Variants in FKTN observed in about 807,000 individuals in gnomAD.
FKTN encodes ribitol-5-phosphate transferase FKTN.
A neutral mutation model predicts 58.6 loss-of-function variants in FKTN; 47 were observed. The ratio of observed to expected loss-of-function variants is 0.80; its 90% CI spans 0.63 to 1.02. The LOEUF is 1.02. Among genes scored for constraint, FKTN ranks in the 50% least tolerant of loss-of-function variants. FKTN has a pLI of 0.00. For missense variants in FKTN, 516 were observed against 537.3 expected (o/e 0.96, Z 0.39); for synonymous variants, 178 against 191.9 (o/e 0.93, Z 0.60).
chr9:105,594,803 G>A (rs1431215160), intron 3 of FKTN, among the ~76,000 whole-genome samples: 5 of 152,196 alleles, frequency 3.3e-5, no homozygotes, highest in African/African-American at 1.2e-4. Flanking sequence ...CTGCACAGTT[G>A]CAGGTGCAGA....
intron 4 of FKTN, 186 bp from the exon 5 acceptor site, chr9:105,600,959 G>A: frequency 1.9e-6 from 1 of 532,342 alleles, no homozygotes; most frequent in Non-Finnish European, 3.4e-6. Flanking sequence ...TTTCTTAGAA[G>A]ACTGCTTATT....
intron 5 of FKTN, chr9:105,603,679 GT>G (rs547502085): frequency 0.04 from 5,704 of 142,742 alleles, 201 homozygotes; most frequent in African/African-American, 0.094. Context: ...AGTTTTTTTT[GT>G]TTTTTTTTTT....
chr9:105,567,469 T>G (rs1839871250), intron 1 of FKTN, among the ~76,000 whole-genome samples: 1 of 152,204 alleles, frequency 6.6e-6, no homozygotes, highest in South Asian at 2.1e-4. Context: ...ACAAAATCAA[T>G]GTGCAAAAAT....
rs1554766855 is a variant in FKTN, at chr9:105,635,090, TGTAGACATGAAG to T, written c.1215_1226del (p.Asp406_Val409del). 5.0e-6 allele frequency: 8 copies of T among 1,614,062 alleles called. No homozygotes were observed. The highest frequency in any genetic ancestry group is 6.8e-6 in the Non-Finnish European group (8 of 1,180,028). ...AGTTTACACTGTGCTGGACTGAGTT[TGTAGACATGAAG>T]GTCCATGTACCCTGTGAAACCCTCG... On this transcript the variant is annotated inframe_deletion, in exon 11 of 11. Transcript: ENST00000357998.
intron 4 of FKTN, among the ~76,000 whole-genome samples, chr9:105,599,072 G>A (rs1827348727): frequency 1.3e-5 from 2 of 151,982 alleles, no homozygotes; most frequent in South Asian, 4.2e-4. Flanking sequence ...TCTCACAAAG[G>A]AATGGTATCA....
rs972895928 is a variant in FKTN, at chr9:105,590,150, TG to T, written c.106-6440del. ...TGTAGCTCCCATAATTCCCATGTGC[TG>T]GGGGGGGACCTGGTGGGAGATAATT... On this transcript the variant is annotated intron_variant, in intron 3 of 10. Coordinates refer to ENST00000357998, the MANE Select transcript of FKTN (RefSeq NM_001079802.2). Among the ~76,000 whole-genome samples the T allele has an allele frequency of 3.9e-5, 6 of 151,962 alleles. No individual in the cohort carries two copies. In the South Asian group the frequency reaches 8.4e-4, roughly 21 times the overall value.
chr9:105,637,490 C>G lies in FKTN; in HGVS notation c.*2226C>G. The G allele has an allele frequency of 1.0e-6, 1 of 985,450 alleles. No individual in the cohort carries two copies. Among genetic ancestry groups the G allele is most frequent in the Non-Finnish European group, 1.2e-6 (1 of 829,934 alleles). The allele number at this position is 985,450 out of a possible 1,614,324, so 61.0% of individuals were successfully genotyped here. A position where few individuals can be genotyped will look rare whatever the true frequency, so the allele number is the denominator to read the frequency against. The stretch of plus-strand genomic sequence containing the variant: ...AAAGCCTTCTCTAGAATCTGAAGGC[C>G]AGGCTTACCTCTGATTCTGATTCAT... On this transcript the variant is annotated 3_prime_UTR_variant, in exon 11 of 11. Transcript: ENST00000357998.
chr9:105,592,132 T>A (rs917914482), intron 3 of FKTN, among the ~76,000 whole-genome samples: 1 of 152,244 alleles, frequency 6.6e-6, no homozygotes, highest in Non-Finnish European at 1.5e-5. Flanking sequence ...CCCCATTTTC[T>A]TGGCGAATGC....
In FKTN at chr9:105,574,939, T is replaced by C. The variant is rs115730708; in HGVS notation, c.-88-6T>C. The C allele has an allele frequency of 5.7e-4, 444 of 776,074 alleles. 5 individuals carry two copies. The African/African-American group carries it at 6.7e-3, about 12-fold the overall frequency. The allele number at this position is 776,074 out of a possible 1,614,324, so 48.1% of individuals were successfully genotyped here. On this transcript the variant is annotated splice_region_variant and splice_polypyrimidine_tract_variant and intron_variant, in intron 2 of 10. Coordinates refer to ENST00000357998, the MANE Select transcript of FKTN (RefSeq NM_001079802.2). ...GTTTCTTTAAAAATATCTTTTTTGT[T>C]CACAGAAAACAAAATTATCTTCCTT...
chr9:105,600,678 A>G (rs1827712757), intron 4 of FKTN, among the ~76,000 whole-genome samples: 1 of 152,202 alleles, frequency 6.6e-6, no homozygotes, highest in Non-Finnish European at 1.5e-5. Flanking sequence ...GAAAAATGGT[A>G]CAAACAACTG....
intron 1 of FKTN, among the ~76,000 whole-genome samples, chr9:105,568,377 T>G (rs570502895): frequency 3.8e-4 from 58 of 152,126 alleles, no homozygotes; most frequent in Middle Eastern, 3.4e-3. Context: ...GGGAGAAAAT[T>G]TTTGCAATCT....
intron 4 of FKTN, among the ~76,000 whole-genome samples, chr9:105,599,100 C>A (rs1408015424): frequency 6.6e-6 from 1 of 152,146 alleles, no homozygotes; most frequent in East Asian, 1.9e-4. Flanking sequence ...ATGAAGAACT[C>A]CCACACGACT....
Position 105,604,337 on chromosome 9 carries a change from C to T in FKTN, c.492C>T (p.Cys164=). 6.2e-7 allele frequency: 1 copy of T among 1,614,156 alleles called. No individual in the cohort carries two copies. Among genetic ancestry groups the T allele is most frequent in the Non-Finnish European group, 8.5e-7 (1 of 1,180,002 alleles). ...CTGAAATCCCCCTGCACTATATCTG[C>T]AAACTGGCCACTCATGCGATCCACT... ...SGTEIPLHYI[C]KLATHAIHLV... is the part of the protein sequence containing the mutation. Residue 164 remains cysteine, a synonymous_variant, in exon 6 of 11, where the codon TGC becomes TGT. Transcript: ENST00000357998.
intron 10 of FKTN, 107 bp from the exon 11 acceptor site, chr9:105,634,944 T>A: frequency 1.1e-6 from 1 of 869,910 alleles, no homozygotes; most frequent in Non-Finnish European, 2.0e-6. Context: ...TTCCCAAAGC[T>A]GTGTAATGGG....
At chr9:105,595,021 A>G (rs2132554738) in intron 3 of FKTN, among the ~76,000 whole-genome samples, 1 of 152,352 alleles carries the variant, frequency 6.6e-6, no homozygotes, top group South Asian at 2.1e-4. Context: ...TGAAGTACTG[A>G]TACATGCCAC....
At position 105,604,392 on chromosome 9, in the gene FKTN, T is replaced by A. The variant is rs1163774436; in HGVS notation, c.547T>A (p.Tyr183Asn). The A allele has an allele frequency of 6.2e-7, 1 of 1,613,746 alleles. No homozygotes were observed. Among genetic ancestry groups the A allele is most frequent in the African/African-American group, 1.3e-5 (1 of 74,930 alleles). Residue 183 changes from tyrosine (Y) to asparagine (N), a missense_variant, in exon 6 of 11, where the codon TAC becomes AAC. Coordinates refer to ENST00000357998, the MANE Select transcript of FKTN (RefSeq NM_001079802.2). The part of the protein sequence containing the change: ...LVVFHERSGN[Y>N]LWHGHLRLKE... ...AGTCTTTCATGAGAGGAGTGGCAAC[T>A]ACCTCTGGCACGGCCACTTGAGACT... is the stretch of plus-strand genomic sequence containing the variant.
chr9:105,629,955 A>G, intron 10 of FKTN, among the ~76,000 whole-genome samples: 1 of 152,122 alleles, frequency 6.6e-6, no homozygotes, highest in South Asian at 2.1e-4. Context: ...AGAAAACCAA[A>G]CACTGCATGT....
At chr9:105,581,668 G>A (rs1448863983) in intron 3 of FKTN, among the ~76,000 whole-genome samples, 1 of 152,216 alleles carries the variant, frequency 6.6e-6, no homozygotes, top group Non-Finnish European at 1.5e-5. Flanking sequence ...AGGCAGGCAG[G>A]CCTCCTTGAA....
rs559368816 is a variant in FKTN, at chr9:105,626,048, T to C, written c.1172+5987T>C. On this transcript the variant is annotated intron_variant, in intron 10 of 10. Transcript: ENST00000357998. ...TGTGAGAACCATCCATATTTTTACA[T>C]GTTGTGGCTCTTCATTTTCTTTGCT... is the stretch of plus-strand genomic sequence containing the variant. Among the ~76,000 whole-genome samples the C allele has an allele frequency of 2.6e-5, 4 of 152,350 alleles. No individual in the cohort carries two copies. In the South Asian group the frequency reaches 8.3e-4, roughly 32 times the overall value.
Sources: allele counts gnomAD v4.1 joint callset (sites outside exome capture counted in the v4.1 genomes callset), GRCh38; gene constraint gnomAD v4.1.1; transcripts MANE v1.5; gene names NCBI Gene and HGNC (gene_info 2026-07-23, HGNC 2026-07-21).